The following NMD3 variants were observed in gnomAD, a reference collection of about 807,000 sequenced individuals.
The protein encoded by NMD3 is NMD3 ribosome export adaptor.
A neutral mutation model predicts 73.1 loss-of-function variants in NMD3; 47 were observed. That is an observed-to-expected ratio of 0.64 (90% CI 0.51 to 0.82). NMD3 has a LOEUF of 0.82. Among genes scored for constraint, NMD3 ranks in the 40% least tolerant of loss-of-function variants. The pLI, the probability that NMD3 is intolerant of heterozygous loss-of-function variation, is 0.00. For synonymous variants in NMD3, 210 were observed against 194.5 expected, an observed-to-expected ratio of 1.08 and a Z score of -0.66; for missense variants, 554 against 612.5, an observed-to-expected ratio of 0.90 and a Z score of 1.01.
intron 11 of NMD3, among the ~76,000 whole-genome samples, chr3:161,245,104 T>C (rs1481653056): frequency 6.6e-6 from 1 of 151,810 alleles, no homozygotes; most frequent in Non-Finnish European, 1.5e-5. Context: ...CTGGCTTCTT[T>C]TACTGTGAAA....
chr3:161,252,960 G>A (rs1455622590), downstream of NMD3: 57 of 475,110 alleles, frequency 1.2e-4, 1 homozygote, highest in South Asian at 8.1e-4. Context: ...TTATCCGGGC[G>A]TGGTGGTGCA....
chr3:161,243,310 G>A (rs1397104011), intron 11 of NMD3, among the ~76,000 whole-genome samples: 1 of 152,166 alleles, frequency 6.6e-6, no homozygotes, highest in Admixed American at 6.5e-5. Context: ...TTGTGTGAAT[G>A]TAGTCTCTTT....
chr3:161,225,053 A>G lies in NMD3; in HGVS notation c.168A>G (p.Lys56=), dbSNP rs1044335091. The part of the protein sequence containing the change: ...IPKQVSISFC[K]QCQRYFQPPG... ...AACAAGTCTCGATTTCGTTCTGCAAACAATGTCAAAGGTACAGTGCGGTAC... is the reference window on the plus strand; with the variant it reads ...AACAAGTCTCGATTTCGTTCTGCAAGCAATGTCAAAGGTACAGTGCGGTAC... Residue 56 remains lysine, a synonymous_variant, in exon 3 of 16, where the codon AAA becomes AAG. Coordinates refer to ENST00000351193, the MANE Select transcript of NMD3 (RefSeq NM_015938.5). The G allele has an allele frequency of 7.4e-6, 12 of 1,613,744 alleles. No individual in the cohort carries two copies. In the Admixed American group the frequency reaches 1.0e-4, roughly 13 times the overall value.
At chr3:161,233,113 CTTT>C (rs71628446) in intron 4 of NMD3, among the ~76,000 whole-genome samples, 7 of 146,224 alleles carry the variant, frequency 4.8e-5, no homozygotes, top group Non-Finnish European at 4.5e-5. Flanking sequence ...GGACAATGTA[CTTT>C]TTTTTTTTTT....
At chr3:161,235,972 ATCTTTTTATT>A (rs1344343671) in intron 7 of NMD3, among the ~76,000 whole-genome samples, 2 of 152,082 alleles carry the variant, frequency 1.3e-5, no homozygotes, top group Non-Finnish European at 2.9e-5. Flanking sequence ...GTTTTAAACA[ATCTTTTTATT>A]AATTTTGTTT....
At position 161,250,286 on chromosome 3, in the gene NMD3, A is replaced by G. The variant is rs767698328; in HGVS notation, c.1341A>G (p.Glu447=). 1.9e-6 allele frequency: 3 copies of G among 1,601,350 alleles called. No individual in the cohort carries two copies. Among genetic ancestry groups the G allele is most frequent in the Non-Finnish European group, 2.6e-6 (3 of 1,169,142 alleles). ...RQYQDFLEDL[E]EDEAIRKNVN... is the part of the protein sequence containing the mutation. ...ACCAAGATTTTCTTGAAGATCTTGAAGAAGATGAGGCAATTCGAAAAAATG... is the reference window on the plus strand; with the variant it reads ...ACCAAGATTTTCTTGAAGATCTTGAGGAAGATGAGGCAATTCGAAAAAATG... The change falls in exon 15 of 16, where the codon GAA becomes GAG. Residue 447 remains glutamate, a synonymous_variant. Coordinates refer to ENST00000351193, the MANE Select transcript of NMD3 (RefSeq NM_015938.5).
At chr3:161,239,143 A>T (rs1293451902) in intron 9 of NMD3, among the ~76,000 whole-genome samples, 1 of 152,208 alleles carries the variant, frequency 6.6e-6, no homozygotes, top group Non-Finnish European at 1.5e-5. Flanking sequence ...GAAATTGAAT[A>T]AAAGAAATGA....
At chr3:161,224,415 C>G (rs889421290) in intron 2 of NMD3, among the ~76,000 whole-genome samples, 1 of 152,144 alleles carries the variant, frequency 6.6e-6, no homozygotes, top group African/African-American at 2.4e-5. Flanking sequence ...GAATTATAGC[C>G]ATTTTTGGTG....
At position 161,223,918 on chromosome 3, in the gene NMD3, G is replaced by A. The variant is rs147690929; in HGVS notation, c.45-1012G>A. Among the ~76,000 whole-genome samples the A allele has an allele frequency of 1.4e-3, 217 of 152,262 alleles. 1 individual carries two copies. Among genetic ancestry groups the A allele is most frequent in the Middle Eastern group, 3.4e-3 (1 of 294 alleles). ...AGTTTGCTATTACACTTGTGGTTGG[G>A]AAGTTTATCTGTTTATTTGTAAAAG... On this transcript the variant is annotated intron_variant, in intron 2 of 15. Coordinates refer to ENST00000351193, the MANE Select transcript of NMD3 (RefSeq NM_015938.5).
chr3:161,233,570 T>C, intron 5 of NMD3, 91 bp downstream of exon 5: 1 of 674,548 alleles, frequency 1.5e-6, no homozygotes, highest in Non-Finnish European at 2.5e-6. Flanking sequence ...TTGAACAGCT[T>C]AAAAGAAAAA....
intron 7 of NMD3, among the ~76,000 whole-genome samples, chr3:161,237,538 C>CTTT (rs71628447): frequency 5.5e-5 from 6 of 108,820 alleles, no homozygotes; most frequent in Non-Finnish European, 9.0e-5. Context: ...AAATAACTTT[C>CTTT]TTTTTTTTTT....
At chr3:161,236,853 A>G (rs78907663) in intron 7 of NMD3, among the ~76,000 whole-genome samples, 5 of 152,212 alleles carry the variant, frequency 3.3e-5, no homozygotes, top group East Asian at 1.9e-4. Context: ...TCAAAGATCT[A>G]TTGACTGTAA....
intron 10 of NMD3, among the ~76,000 whole-genome samples, chr3:161,241,610 G>A (rs1289020305): frequency 1.3e-5 from 2 of 151,782 alleles, no homozygotes; most frequent in Non-Finnish European, 1.5e-5. Flanking sequence ...TAGTAGAGAC[G>A]GGGTTTCACT....
At chr3:161,221,722 C>T in intron 1 of NMD3, 1 of 280,828 alleles carries the variant, frequency 3.6e-6, no homozygotes, top group South Asian at 5.5e-5. Context: ...GGTTGGAGCC[C>T]AGGTGAGATG....
chr3:161,224,880 A>T (rs931435209), intron 2 of NMD3, 50 bp from the exon 3 acceptor site: 2 of 1,516,072 alleles, frequency 1.3e-6, no homozygotes, highest in African/African-American at 1.4e-5. Flanking sequence ...AAAAAAATTT[A>T]GTGTATTTTA....
intron 5 of NMD3, among the ~76,000 whole-genome samples, 156 bp from the exon 6 acceptor site, chr3:161,234,571 C>G (rs750070996): frequency 1.3e-5 from 2 of 151,894 alleles, no homozygotes; most frequent in Non-Finnish European, 2.9e-5. Context: ...AATAGTATAA[C>G]TTGTTTTTAT....
At position 161,233,437 on chromosome 3, in the gene NMD3, T is replaced by C. The variant is rs1387891949; in HGVS notation, c.315T>C (p.Pro105=). 4.3e-6 allele frequency: 7 copies of C among 1,609,942 alleles called. No individual in the cohort carries two copies. The highest frequency in any genetic ancestry group is 5.9e-6 in the Non-Finnish European group (7 of 1,177,668). ...ATGCAGGCTTTGTTTGGACTGAGCC[T>C]CATTCTAAGAGACTTAAAGTTAAAC... ...LVDAGFVWTE[P]HSKRLKVKLT... The change falls in exon 5 of 16, where the codon CCT becomes CCC. Residue 105 remains proline, a synonymous_variant. Transcript: ENST00000351193.
intron 13 of NMD3, 106 bp from the exon 14 acceptor site, chr3:161,249,348 G>A (rs1049105994): frequency 1.0e-4 from 71 of 678,862 alleles, no homozygotes; most frequent in Non-Finnish European, 1.7e-4. Flanking sequence ...TTTCTCCTGA[G>A]GTGTAACCAG....
chr3:161,221,932 T>A, intron 1 of NMD3, 62 bp from the exon 2 acceptor site: 1 of 1,089,840 alleles, frequency 9.2e-7, no homozygotes, highest in Non-Finnish European at 1.3e-6. Context: ...GGAGACTAGG[T>A]AAAGTGATTT....
Sources: allele counts gnomAD v4.1 joint callset (sites outside exome capture counted in the v4.1 genomes callset), GRCh38; gene constraint gnomAD v4.1.1; transcripts MANE v1.5; gene names NCBI Gene and HGNC (gene_info 2026-07-23, HGNC 2026-07-21).